The following FRMPD1 variants were observed in gnomAD, a reference collection of about 807,000 sequenced individuals.
The protein encoded by FRMPD1 is FERM and PDZ domain containing 1.
FRMPD1 carries 76 observed loss-of-function variants against 117.8 expected under a neutral mutation model. That is an observed-to-expected ratio of 0.65 (90% CI 0.54 to 0.78). The LOEUF (loss-of-function observed/expected upper bound fraction) is 0.78, where lower values mean the gene tolerates loss of function less well. Among genes scored for constraint, FRMPD1 ranks in the 30% least tolerant of loss-of-function variants. FRMPD1 has a pLI of 0.00. For missense variants in FRMPD1, 1,786 were observed against 1,964.5 expected (o/e 0.91, Z 1.72); for synonymous variants, 783 against 770.4 (o/e 1.02, Z -0.27).
At chr9:37,691,216 GT>G (rs1822125301) in intron 1 of FRMPD1, among the ~76,000 whole-genome samples, 1 of 152,128 alleles carries the variant, frequency 6.6e-6, no homozygotes, top group African/African-American at 2.4e-5. Context: ...AGCTTCTCTT[GT>G]TCGTTTTCTC....
Position 37,735,731 on chromosome 9 carries a change from C to T in FRMPD1, c.1398C>T (p.Val466=). Residue 466 remains valine (V), a synonymous_variant, in exon 13 of 16, where the codon GTC becomes GTT. Transcript: ENST00000377765. The part of the protein sequence containing the change: ...VSVVKVYLQD[V]KVLTLLLESN... ...TCGTCAAAGTGTATCTTCAGGACGT[C>T]AAGGTAACACAATGGGGAGAGATTC... 4 of 1,608,044 alleles carry T rather than the reference C, an allele frequency of 2.5e-6. No homozygotes were observed. The highest frequency in any genetic ancestry group is 3.4e-6 in the Non-Finnish European group (4 of 1,174,998).
chr9:37,685,822 A>G (rs922121048), intron 1 of FRMPD1, among the ~76,000 whole-genome samples: 1 of 152,176 alleles, frequency 6.6e-6, no homozygotes, highest in Non-Finnish European at 1.5e-5. Flanking sequence ...ATTTAGCGCA[A>G]GTGATTTTGG....
chr9:37,744,983 C>T lies in FRMPD1; in HGVS notation c.2951C>T (p.Ala984Val). The T allele has an allele frequency of 6.2e-7, 1 of 1,614,182 alleles. No homozygotes were observed. Among genetic ancestry groups the T allele is most frequent in the Non-Finnish European group, 8.5e-7 (1 of 1,180,000 alleles). ...TCATCTGGCCCAGATACTGCTCAGG[C>T]AAGGCCTTCCCAAATCTTACCTCTA... ...PGSSGPDTAQ[A>V]RPSQILPLSQ... The change falls in exon 16 of 16, where the codon GCA (alanine) becomes GTA (valine). Residue 984 changes from alanine (A) to valine (V), a missense_variant. Physicochemically the swap from Ala to Val is moderately conservative, Grantham distance 64 (BLOSUM62 0). Transcript: ENST00000377765.
rs762176857 is a variant in FRMPD1, at chr9:37,745,964, G to C, written c.3932G>C (p.Arg1311Thr). The stretch of plus-strand genomic sequence containing the variant: ...CATCCTGAAGTCTCTGCCAGTCTCA[G>C]GGTGGCCACATCTTTGGGTTTTGCA... ...ESHPEVSASL[R>T]VATSLGFAGM... is the part of the protein sequence containing the mutation. The change falls in exon 16 of 16, where the codon AGG becomes ACG. Residue 1311 changes from arginine (R) to threonine (T), a missense_variant. Transcript: ENST00000377765. 5.0e-6 allele frequency: 8 copies of C among 1,614,230 alleles called. No individual in the cohort carries two copies. The South Asian group carries it at 5.5e-5, about 11-fold the overall frequency.
intron 1 of FRMPD1, among the ~76,000 whole-genome samples, chr9:37,656,123 A>G (rs1820836181): frequency 6.6e-6 from 1 of 152,104 alleles, no homozygotes; most frequent in Admixed American, 6.6e-5. Context: ...TCTACCCCAC[A>G]ACCCTTTTCA....
chr9:37,668,280 C>G (rs1431909044), intron 1 of FRMPD1: 2 of 152,276 alleles, frequency 1.3e-5, no homozygotes, highest in African/African-American at 4.8e-5. Context: ...GGCATAGCTG[C>G]AGCTGCCCAG....
At chr9:37,729,968 T>G in intron 8 of FRMPD1, 115 bp downstream of exon 8, 4 of 1,123,412 alleles carry the variant, frequency 3.6e-6, no homozygotes, top group Non-Finnish European at 5.1e-6. Context: ...GCACTTTCTC[T>G]TGCCCCAGAA....
upstream of FRMPD1, among the ~76,000 whole-genome samples, chr9:37,649,371 C>T (rs1373688557): frequency 6.6e-6 from 1 of 152,116 alleles, no homozygotes; most frequent in East Asian, 1.9e-4. Context: ...AATCTTCCAC[C>T]CTTATGGTGC....
chr9:37,681,545 A>T (rs1821731204), intron 1 of FRMPD1, among the ~76,000 whole-genome samples: 2 of 152,246 alleles, frequency 1.3e-5, no homozygotes, highest in Non-Finnish European at 1.5e-5. Context: ...TGAGCCCATT[A>T]TCACTCACTA....
At position 37,744,660 on chromosome 9, in the gene FRMPD1, C is replaced by T; in HGVS notation, c.2628C>T (p.Ala876=). Residue 876 remains alanine (A), a synonymous_variant, in exon 16 of 16, where the codon GCC becomes GCT. Transcript: ENST00000377765. ...ACTATGACAGGGAGCCCTACCTGGC[C>T]CTTGGTGCACCCTCCCCAACTGTGT... ...VCYYDREPYL[A]LGAPSPTVSS... 1 of 1,614,034 alleles carries T rather than the reference C, an allele frequency of 6.2e-7. No individual in the cohort carries two copies. The highest frequency in any genetic ancestry group is 1.3e-5 in the African/African-American group (1 of 75,010).
chr9:37,717,337 ATATATGTG>A (rs1823169717), intron 5 of FRMPD1, among the ~76,000 whole-genome samples: 1 of 88,730 alleles, frequency 1.1e-5, no homozygotes, highest in Non-Finnish European at 2.5e-5. Context: ...GTGTATGTGT[ATATATGTG>A]TGTGTGTGTG....
intron 2 of FRMPD1, among the ~76,000 whole-genome samples, chr9:37,706,766 G>C (rs1341840372): frequency 1.3e-5 from 2 of 152,138 alleles, no homozygotes; most frequent in African/African-American, 4.8e-5. Flanking sequence ...AAGAAACAAA[G>C]AAAAACATCA....
intron 2 of FRMPD1, among the ~76,000 whole-genome samples, chr9:37,699,294 G>A (rs921821767): frequency 6.7e-6 from 1 of 150,048 alleles, no homozygotes; most frequent in Non-Finnish European, 1.5e-5. Context: ...ATAAGCATGA[G>A]ATTTACTGAA....
chr9:37,622,188 T>C, the FRMPD1 span, among the ~76,000 whole-genome samples: 1 of 152,210 alleles, frequency 6.6e-6, no homozygotes, highest in Non-Finnish European at 1.5e-5. Flanking sequence ...ATATTGGATA[T>C]GCCCCTGAGC....
At chr9:37,717,369 G>GTGTGTGTGTGTA (rs1407798527) in intron 5 of FRMPD1, among the ~76,000 whole-genome samples, 30 of 94,128 alleles carry the variant, frequency 3.2e-4, no homozygotes, top group Non-Finnish European at 5.0e-4. Context: ...GTGTGTGTGT[G>GTGTGTGTGTGTA]TATATATATA....
At chr9:37,707,081 G>C (rs1822734269) in intron 2 of FRMPD1, among the ~76,000 whole-genome samples, 2 of 152,240 alleles carry the variant, frequency 1.3e-5, no homozygotes, top group African/African-American at 4.8e-5. Context: ...CAGCTCAAAT[G>C]CCACCTCTTC....
intron 1 of FRMPD1, 109 bp from the exon 2 acceptor site, chr9:37,692,529 G>A (rs10973494): frequency 0.1 from 79,116 of 762,584 alleles, 4,958 homozygotes; most frequent in Admixed American, 0.16. Flanking sequence ...CTAGTTATTC[G>A]ATTAGCATGT....
At chr9:37,649,950 C>A (rs1820615441), upstream of FRMPD1, among the ~76,000 whole-genome samples, 1 of 152,200 alleles carries the variant, frequency 6.6e-6, no homozygotes, top group Non-Finnish European at 1.5e-5. Flanking sequence ...GCCAATTCCA[C>A]TGGCCTTTCA....
intron 14 of FRMPD1, among the ~76,000 whole-genome samples, chr9:37,738,294 T>TA (rs1824225948): frequency 6.6e-6 from 1 of 151,754 alleles, no homozygotes; most frequent in Non-Finnish European, 1.5e-5. Context: ...ATACAATAAG[T>TA]AAAACAGTTA....
Sources: gnomAD v4.1 joint callset for allele counts (sites outside exome capture counted in the v4.1 genomes callset) on GRCh38, gnomAD v4.1.1 for gene constraint, MANE v1.5 for transcripts, NCBI Gene and HGNC (gene_info 2026-07-23, HGNC 2026-07-21) for gene names.